LRRC7: variants seen among roughly 807,000 people sequenced by gnomAD.
The protein encoded by LRRC7 is leucine-rich repeat-containing protein 7.
A neutral mutation model predicts 175.7 loss-of-function variants in LRRC7; 23 were observed. The observed-to-expected ratio is 0.13, with a 90% CI of 0.09 to 0.19. The LOEUF (loss-of-function observed/expected upper bound fraction) is 0.19, where lower values mean the gene tolerates loss of function less well. Ranked by LOEUF, LRRC7 falls within the 10% of genes least tolerant of loss-of-function variation. LRRC7 has a pLI of 1.00. For synonymous variants in LRRC7, 685 were observed against 680.9 expected (o/e 1.01, Z -0.09); for missense variants, 1,354 against 1,904.7 (o/e 0.71, Z 5.38).
rs141606062 is a variant in LRRC7, at chr1:70,078,792, ACGCGCG to A, written c.4452+2508_4452+2513del. Among the ~76,000 whole-genome samples, 639 of 146,658 alleles carry A rather than the reference ACGCGCG, an allele frequency of 4.4e-3. 8 individuals are homozygous for A. The highest frequency in any genetic ancestry group is 0.013 in the African/African-American group (519 of 39,016). Reference sequence around the variant, plus strand: ...AGTCAAATAATACAGTTCTACATATACGCGCGCGCGCGCGCGCGCACACACACACAC... The same window carrying A: ...AGTCAAATAATACAGTTCTACATATACGCGCGCGCGCGCACACACACACAC... On this transcript the variant is annotated intron_variant, in intron 24 of 26. Coordinates refer to ENST00000651989, the MANE Select transcript of LRRC7 (RefSeq NM_001370785.2).
chr1:69,842,730 G>A (rs1482190494), intron 7 of LRRC7, among the ~76,000 whole-genome samples: 2 of 152,086 alleles, frequency 1.3e-5, no homozygotes, highest in African/African-American at 2.4e-5. Context: ...TATCTTTTGG[G>A]TCAGTGACCC....
At chr1:70,036,798 C>T (rs1261377985) in intron 20 of LRRC7, among the ~76,000 whole-genome samples, 174 bp downstream of exon 20, 1 of 152,026 alleles carries the variant, frequency 6.6e-6, no homozygotes, top group African/African-American at 2.4e-5. Flanking sequence ...ATGAATCCAC[C>T]TTACAGGGAG....
At chr1:69,655,634 T>A (rs923671418) in intron 1 of LRRC7, among the ~76,000 whole-genome samples, 1 of 152,014 alleles carries the variant, frequency 6.6e-6, no homozygotes, top group African/African-American at 2.4e-5. Flanking sequence ...TTTTAACATT[T>A]ATGTACAAAA....
intron 23 of LRRC7, among the ~76,000 whole-genome samples, chr1:70,064,884 C>G (rs895335274): frequency 6.6e-6 from 1 of 151,910 alleles, no homozygotes; most frequent in Non-Finnish European, 1.5e-5. Context: ...ATTAGGAGCA[C>G]TAAGCACAAC....
Position 70,076,266 on chromosome 1 carries a change from G to T in LRRC7, c.4420G>T (p.Gly1474Trp), listed in dbSNP as rs561506790. The T allele has an allele frequency of 3.7e-6, 6 of 1,614,074 alleles. No homozygotes were observed. The highest frequency in any genetic ancestry group is 5.1e-6 in the Non-Finnish European group (6 of 1,179,970). ...QPGRCLIQTK[G>W]QRSMDGYPEQ... ...TGGACGGTGCTTAATTCAAACTAAA[G>T]GGCAAAGGAGTATGGATGGATATCC... The change falls in exon 24 of 27, where the codon GGG becomes TGG. Residue 1474 changes from glycine (G) to tryptophan (W), a missense_variant. Gly to Trp is a radical substitution (Grantham distance 184, BLOSUM62 -2). Around this residue, in one of 4 missense-constraint regions of LRRC7, gnomAD observed 1,032 missense variants for 1,227.2 expected, o/e 0.84. Transcript: ENST00000651989.
intron 3 of LRRC7, among the ~76,000 whole-genome samples, chr1:69,774,389 G>A (rs1216074218): frequency 6.6e-6 from 1 of 152,094 alleles, no homozygotes; most frequent in Non-Finnish European, 1.5e-5. Flanking sequence ...AAAAAATGAA[G>A]CAACTTCAGG....
intron 8 of LRRC7, among the ~76,000 whole-genome samples, chr1:69,949,354 C>G (rs1649675323): frequency 6.6e-6 from 1 of 152,068 alleles, no homozygotes; most frequent in Non-Finnish European, 1.5e-5. Flanking sequence ...GGCAGATCAC[C>G]TGAGCCCAGG....
At chr1:69,682,378 T>C (rs1296238113) in intron 2 of LRRC7, among the ~76,000 whole-genome samples, 1 of 152,088 alleles carries the variant, frequency 6.6e-6, no homozygotes, top group Non-Finnish European at 1.5e-5. Context: ...TATACAGGGT[T>C]CAAGCATTAA....
chr1:69,705,953 C>T (rs1663982103), intron 2 of LRRC7, among the ~76,000 whole-genome samples: 1 of 152,000 alleles, frequency 6.6e-6, no homozygotes, highest in Non-Finnish European at 1.5e-5. Context: ...ATCTTCCCTC[C>T]AAAAAATAAA....
chr1:69,717,917 G>A (rs368611092), intron 2 of LRRC7, among the ~76,000 whole-genome samples: 9 of 38,962 alleles, frequency 2.3e-4, no homozygotes, highest in African/African-American at 1.2e-3. Flanking sequence ...GAGAGAAAGA[G>A]AGAAAAAAAG....
In LRRC7 at chr1:70,039,069, C is replaced by A; in HGVS notation, c.3245C>A (p.Ala1082Asp). ...FNPQGSVEVK[A>D]EKRIPPPFQH... ...CCTCAAGGATCAGTGGAAGTGAAAG[C>A]CGAAAAGAGGATACCACCCCCTTTT... The change falls in exon 21 of 27, where the codon GCC (alanine) becomes GAC (aspartate). Residue 1082 changes from alanine to aspartate, a missense_variant. This residue lies in a region of LRRC7 where 1,032 missense variants were observed against 1,227.2 expected (regional missense o/e 0.84). Coordinates refer to ENST00000651989, the MANE Select transcript of LRRC7 (RefSeq NM_001370785.2). The A allele has an allele frequency of 6.2e-7, 1 of 1,614,060 alleles. No homozygotes were observed. The highest frequency in any genetic ancestry group is 1.1e-5 in the South Asian group (1 of 91,070).
At chr1:69,843,431 G>A (rs1681966236) in intron 7 of LRRC7, among the ~76,000 whole-genome samples, 1 of 151,896 alleles carries the variant, frequency 6.6e-6, no homozygotes, top group Non-Finnish European at 1.5e-5. Context: ...ATTTCCCATA[G>A]TAGAAATTAT....
intron 4 of LRRC7, among the ~76,000 whole-genome samples, chr1:69,822,127 G>A (rs1679369154): frequency 1.3e-5 from 2 of 152,080 alleles, no homozygotes; most frequent in South Asian, 4.1e-4. Context: ...GTTTCCTCTT[G>A]GGCAGAATTT....
intron 10 of LRRC7, among the ~76,000 whole-genome samples, chr1:69,993,280 GTACTTGCTCA>G (rs1379337455): frequency 6.6e-6 from 1 of 152,022 alleles, no homozygotes; most frequent in Non-Finnish European, 1.5e-5. Flanking sequence ...CAGTTCCCAG[GTACTTGCTCA>G]TAACAGTCTG....
intron 1 of LRRC7, among the ~76,000 whole-genome samples, chr1:69,570,610 G>C (rs576596049): frequency 8.4e-4 from 128 of 152,170 alleles, no homozygotes; most frequent in Middle Eastern, 6.8e-3. Context: ...CTCCGTCCAG[G>C]CTTCCTTGAA....
At chr1:70,023,443 G>A (rs1208182640) in intron 17 of LRRC7, 69 bp downstream of exon 17, 2 of 1,398,768 alleles carry the variant, frequency 1.4e-6, no homozygotes, top group Non-Finnish European at 1.9e-6. Flanking sequence ...GGTTTATGGG[G>A]TATGTTCTGC....
intron 1 of LRRC7, among the ~76,000 whole-genome samples, chr1:69,603,107 A>C (rs1181703013): frequency 6.6e-6 from 1 of 151,120 alleles, no homozygotes; most frequent in Non-Finnish European, 1.5e-5. Context: ...CTGTCTTCAC[A>C]TGGCTTTTCC....
intron 7 of LRRC7, among the ~76,000 whole-genome samples, chr1:69,906,205 G>A (rs1007734295): frequency 4.6e-5 from 7 of 151,856 alleles, no homozygotes; most frequent in South Asian, 2.1e-4. Context: ...CCCATTTTGT[G>A]GGTTGCCTGT....
intron 2 of LRRC7, among the ~76,000 whole-genome samples, chr1:69,688,044 C>T (rs868403692): frequency 5.9e-5 from 9 of 152,194 alleles, no homozygotes; most frequent in Admixed American, 2.0e-4. Context: ...TTTTAACTAC[C>T]TCTTCTTTTG....
Sources: allele counts gnomAD v4.1 joint callset (sites outside exome capture counted in the v4.1 genomes callset), GRCh38; gene constraint gnomAD v4.1.1; regional missense constraint gnomAD v4.1.1; transcripts MANE v1.5; gene names NCBI Gene and HGNC (gene_info 2026-07-23, HGNC 2026-07-21).